Variants in SLC22A24 observed in about 807,000 individuals in gnomAD.
SLC22A24 encodes the protein solute carrier family 22 member 24.
Under a neutral mutation model 49.8 loss-of-function variants are expected in SLC22A24, and 53 were observed. The observed-to-expected ratio is 1.06, with a 90% CI of 0.85 to 1.34. The LOEUF is 1.34. Ranked by LOEUF, SLC22A24 falls within the 40% of genes most tolerant of loss-of-function variation. The pLI is 0.00. For synonymous variants in SLC22A24, 302 were observed against 256.4 expected (o/e 1.18, Z -1.70); for missense variants, 786 against 675.9 (o/e 1.16, Z -1.81).
Position 63,081,096 on chromosome 11 carries a change from C to A in SLC22A24, c.1422G>T (p.Val474=), listed in dbSNP as rs11231342. Residue 474 remains valine (V), a synonymous_variant, in exon 9 of 10, where the codon GTG becomes GTT. Transcript: ENST00000612278. ...CCAGTGCTGCCCCAGTCCTACCGGA[C>A]ACTGCATTGATTCCTGCAACTGTTG... The part of the protein sequence containing the change: ...LRSTVAGINA[V]SGRTGAALAP... 6.4e-7 allele frequency: 1 copy of A among 1,551,318 alleles called. No homozygotes were observed. Among genetic ancestry groups the A allele is most frequent in the Non-Finnish European group, 8.7e-7 (1 of 1,146,846 alleles).
chr11:63,124,007 G>C (rs189396794), intron 2 of SLC22A24, among the ~76,000 whole-genome samples: 25 of 152,272 alleles, frequency 1.6e-4, no homozygotes, highest in African/African-American at 5.8e-4. Context: ...CACCAGATAG[G>C]AGTCAAGGAA....
intron 2 of SLC22A24, among the ~76,000 whole-genome samples, chr11:63,131,607 C>T (rs955238913): frequency 2.6e-5 from 4 of 152,120 alleles, no homozygotes; most frequent in African/African-American, 9.7e-5. Flanking sequence ...ATATTGGCCC[C>T]CAATCTTTTC....
At chr11:63,092,498 C>T (rs1337437597) in intron 6 of SLC22A24, among the ~76,000 whole-genome samples, 1 of 33,010 alleles carries the variant, frequency 3.0e-5, no homozygotes, top group Non-Finnish European at 9.2e-5. Flanking sequence ...TGACTTCAAA[C>T]TATACTACAA....
At chr11:63,108,571 T>C (rs2087138429) in intron 4 of SLC22A24, among the ~76,000 whole-genome samples, 2 of 152,188 alleles carry the variant, frequency 1.3e-5, no homozygotes, top group Admixed American at 6.5e-5. Flanking sequence ...TGGACATTTT[T>C]AGTTGGTAGG....
chr11:63,104,043 A>G (rs2087106035), intron 5 of SLC22A24, 132 bp downstream of exon 5: 1 of 806,890 alleles, frequency 1.2e-6, no homozygotes, highest in African/African-American at 1.8e-5. Flanking sequence ...AGATATATAT[A>G]TTTTATCAGG....
chr11:63,113,591 C>A (rs6591746), intron 4 of SLC22A24, among the ~76,000 whole-genome samples: 2 of 151,476 alleles, frequency 1.3e-5, no homozygotes, highest in African/African-American at 2.4e-5. Context: ...CACAGTGGCT[C>A]ACACCTGTAA....
intron 1 of SLC22A24, among the ~76,000 whole-genome samples, chr11:63,138,501 G>T (rs1158092090): frequency 6.6e-6 from 1 of 151,868 alleles, no homozygotes; most frequent in African/African-American, 2.4e-5. Flanking sequence ...AATTAGCCGG[G>T]TGTGGTGGCG....
At chr11:63,100,098 A>G (rs2134648325) in intron 5 of SLC22A24, among the ~76,000 whole-genome samples, 1 of 152,334 alleles carries the variant, frequency 6.6e-6, no homozygotes, top group South Asian at 2.1e-4. Flanking sequence ...AGAGACAGAT[A>G]TAAATGGCAT....
intron 2 of SLC22A24, among the ~76,000 whole-genome samples, chr11:63,123,719 G>C (rs560691346): frequency 6.6e-6 from 1 of 152,050 alleles, no homozygotes; most frequent in Non-Finnish European, 1.5e-5. Flanking sequence ...TCTCTTCCTA[G>C]CAGTCCCCCA....
chr11:63,142,922 A>G (rs1449302856), intron 1 of SLC22A24, among the ~76,000 whole-genome samples: 1 of 152,180 alleles, frequency 6.6e-6, no homozygotes, highest in Non-Finnish European at 1.5e-5. Context: ...TCAAAAAACA[A>G]AAAGCAAAAA....
At chr11:63,125,610 G>A (rs537603781) in intron 2 of SLC22A24, among the ~76,000 whole-genome samples, 149 of 152,232 alleles carry the variant, frequency 9.8e-4, no homozygotes, top group African/African-American at 3.2e-3. Context: ...TAGTGCCGCG[G>A]TAAACATACG....
intron 2 of SLC22A24, among the ~76,000 whole-genome samples, chr11:63,133,920 T>C (rs1045195470): frequency 2.0e-5 from 3 of 152,194 alleles, no homozygotes; most frequent in African/African-American, 4.8e-5. Flanking sequence ...GTTGGTATTA[T>C]GGGCGTGAGC....
At chr11:63,087,523 G>A (rs1215568823) in intron 6 of SLC22A24, among the ~76,000 whole-genome samples, 1 of 152,200 alleles carries the variant, frequency 6.6e-6, no homozygotes, top group Non-Finnish European at 1.5e-5. Context: ...GCTAGCTGCA[G>A]CAGTATTTTT....
At chr11:63,126,168 A>T (rs1189976375) in intron 2 of SLC22A24, among the ~76,000 whole-genome samples, 3 of 152,042 alleles carry the variant, frequency 2.0e-5, no homozygotes, top group African/African-American at 7.3e-5. Context: ...GTTTAATTAG[A>T]TCCCATTTGT....
Position 63,104,129 on chromosome 11 carries a change from C to A in SLC22A24, c.954+46G>T, listed in dbSNP as rs373805896. 2,387 of 1,540,788 alleles carry A rather than the reference C, an allele frequency of 1.5e-3. 8 individuals carry two copies. The highest frequency in any genetic ancestry group is 1.8e-3 in the Non-Finnish European group (2,082 of 1,144,462). ...ACCTAGACTAGTATGATTGTGAGGT[C>A]ATGTTTTCATTTAATCACAGCAATC... On this transcript the variant is annotated intron_variant, in intron 5 of 9. Coordinates refer to ENST00000612278, the MANE Select transcript of SLC22A24 (RefSeq NM_001136506.2).
intron 1 of SLC22A24, among the ~76,000 whole-genome samples, chr11:63,141,571 G>A (rs1303158443): frequency 6.6e-6 from 1 of 152,118 alleles, no homozygotes; most frequent in Non-Finnish European, 1.5e-5. Flanking sequence ...CCCTGTACAA[G>A]GTTCCTGACC....
intron 4 of SLC22A24, among the ~76,000 whole-genome samples, chr11:63,112,079 C>G (rs2087169672): frequency 6.6e-6 from 1 of 151,980 alleles, no homozygotes; most frequent in Admixed American, 6.6e-5. Flanking sequence ...CAAAGAACAT[C>G]TTTATTTCTG....
chr11:63,083,202 G>T (rs1222759425), intron 7 of SLC22A24, 41 bp downstream of exon 7: 15 of 1,481,744 alleles, frequency 1.0e-5, no homozygotes, highest in Non-Finnish European at 1.4e-5. Context: ...CTGGAGAATG[G>T]GGGTAACTAC....
chr11:63,134,823 G>T (rs1447555857), intron 1 of SLC22A24, 55 bp from the exon 2 acceptor site: 1 of 1,265,460 alleles, frequency 7.9e-7, no homozygotes, highest in Non-Finnish European at 1.1e-6. Context: ...CAACTCTTTA[G>T]TAGAAACTGA....
Sources: allele counts gnomAD v4.1 joint callset (sites outside exome capture counted in the v4.1 genomes callset), GRCh38; gene constraint gnomAD v4.1.1; transcripts MANE v1.5; gene names NCBI Gene and HGNC (gene_info 2026-07-23, HGNC 2026-07-21).